The following PLAC8L1 variants were observed in gnomAD, a reference collection of about 807,000 sequenced individuals.
PLAC8L1 encodes PLAC8 like 1, also known as PLAC8-like protein 1.
Under a neutral mutation model 16.3 loss-of-function variants are expected in PLAC8L1, and 13 were observed. The ratio of observed to expected loss-of-function variants is 0.80; its 90% CI spans 0.52 to 1.27. The LOEUF is 1.27. PLAC8L1 is among the 50% of genes most tolerant of loss of function. The pLI, the probability that PLAC8L1 is intolerant of heterozygous loss-of-function variation, is 0.00. For synonymous variants in PLAC8L1, 78 were observed against 79.3 expected (o/e 0.98, Z 0.09); for missense variants, 184 against 220.2 (o/e 0.84, Z 1.04).
intron 2 of PLAC8L1, among the ~76,000 whole-genome samples, chr5:146,094,328 C>G (rs1763676434): frequency 6.6e-6 from 1 of 152,204 alleles, no homozygotes. Flanking sequence ...AATCTGCCCA[C>G]CTCGGCCTCC....
chr5:146,098,386 AC>A, intron 1 of PLAC8L1, 94 bp from the exon 2 acceptor site: 1 of 1,281,990 alleles, frequency 7.8e-7, no homozygotes, highest in Non-Finnish European at 1.1e-6. Flanking sequence ...AGAGATAGGG[AC>A]CCAATGATGC....
In PLAC8L1 at chr5:146,098,212, T is replaced by A. The variant is rs756249094; in HGVS notation, c.200A>T (p.Gln67Leu). 8.1e-6 allele frequency: 13 copies of A among 1,614,058 alleles called. No individual in the cohort carries two copies. The East Asian group carries it at 2.9e-4, about 36-fold the overall frequency. Residue 67 changes from glutamine (Q) to leucine (L), a missense_variant, in exon 2 of 4, where the codon CAG becomes CTG. By Grantham distance (113) the Gln-to-Leu change is moderately radical (BLOSUM62 -2). Coordinates refer to ENST00000311450, the MANE Select transcript of PLAC8L1 (RefSeq NM_001029869.3). The part of the protein sequence containing the change: ...SGRTTITAIV[Q>L]TGGGWSTGLF... ...ACCGGTGCTCCAGCCCCCGCCAGTC[T>A]GGACAATTGCTGTGATTGTCGTCCT...
At chr5:146,092,691 G>A (rs1185886921) in intron 2 of PLAC8L1, among the ~76,000 whole-genome samples, 5 of 151,892 alleles carry the variant, frequency 3.3e-5, no homozygotes, top group Admixed American at 3.3e-4. Flanking sequence ...GCAGGAGCCC[G>A]CCACCACGCC....
At chr5:146,090,196 T>C (rs1048993959) in intron 2 of PLAC8L1, among the ~76,000 whole-genome samples, 1 of 152,104 alleles carries the variant, frequency 6.6e-6, no homozygotes, top group African/African-American at 2.4e-5. Context: ...AGGAAAAAAC[T>C]TTGCAACACA....
At position 146,090,881 on chromosome 5, in the gene PLAC8L1, C is replaced by T. The variant is rs912065586; in HGVS notation, c.257-5284G>A. ...CAGCCTGCCCAACATGGTGAAATCC[C>T]GTCTCTGCTAAAAATACAAAAAATT... On this transcript the variant is annotated intron_variant, in intron 2 of 3. Transcript: ENST00000311450. Among the ~76,000 whole-genome samples, 10 of 152,104 alleles carry T rather than the reference C, an allele frequency of 6.6e-5. No homozygotes were observed. In the East Asian group the frequency reaches 1.7e-3, roughly 27 times the overall value.
intron 2 of PLAC8L1, among the ~76,000 whole-genome samples, chr5:146,095,485 C>T (rs918175384): frequency 6.6e-6 from 1 of 152,130 alleles, no homozygotes; most frequent in African/African-American, 2.4e-5. Flanking sequence ...TTTCTAGGTG[C>T]TCTTAGGATT....
intron 2 of PLAC8L1, 152 bp downstream of exon 2, chr5:146,098,004 G>T: frequency 1.1e-6 from 1 of 892,168 alleles, no homozygotes. Flanking sequence ...GATTTTTCCA[G>T]ACAAGGAGTA....
At chr5:146,098,779 A>G (rs937357722) in intron 1 of PLAC8L1, among the ~76,000 whole-genome samples, 9 of 152,202 alleles carry the variant, frequency 5.9e-5, no homozygotes, top group Non-Finnish European at 1.3e-4. Flanking sequence ...CTGCATCCCA[A>G]GGATTTTGAA....
intron 2 of PLAC8L1, among the ~76,000 whole-genome samples, chr5:146,091,046 C>T (rs1354200730): frequency 6.7e-6 from 1 of 149,490 alleles, no homozygotes; most frequent in Non-Finnish European, 1.5e-5. Flanking sequence ...AAGAGCAAAA[C>T]TCTGTCTCGA....
At position 146,104,562 on chromosome 5, in the gene PLAC8L1, A is replaced by G; in HGVS notation, c.-251T>C. On this transcript the variant is annotated 5_prime_UTR_variant, in exon 1 of 4. Transcript: ENST00000311450. ...ATTGCTGGAGTATAGAGTAAATAGA[A>G]GAAAAAGACTTATCTTTGGTGGAAA... The G allele has an allele frequency of 3.0e-6, 1 of 328,646 alleles. No individual in the cohort carries two copies. The allele number at this position is 328,646 out of a possible 1,614,324, so 20.4% of individuals were successfully genotyped here.
At chr5:146,095,691 C>T (rs1316738318) in intron 2 of PLAC8L1, among the ~76,000 whole-genome samples, 2 of 152,132 alleles carry the variant, frequency 1.3e-5, no homozygotes, top group East Asian at 1.9e-4. Flanking sequence ...ATTATCCCTT[C>T]CTTATTATGC....
chr5:146,093,271 A>C (rs576317547), intron 2 of PLAC8L1, among the ~76,000 whole-genome samples: 1 of 152,184 alleles, frequency 6.6e-6, no homozygotes, highest in South Asian at 2.1e-4. Context: ...GAAGAGAAAA[A>C]CCAGGTGGAT....
Position 146,105,290 on chromosome 5 carries a change from G to C in PLAC8L1, c.-979C>G, listed in dbSNP as rs1317356952. Reference sequence around the variant, plus strand: ...GAACTTCAAAGCATTTATTGAACCAGGTTGTTAGGAAAAGCCTATAATACC... The same window carrying C: ...GAACTTCAAAGCATTTATTGAACCACGTTGTTAGGAAAAGCCTATAATACC... On this transcript the variant is annotated 5_prime_UTR_variant, in exon 1 of 4. Coordinates refer to ENST00000311450, the MANE Select transcript of PLAC8L1 (RefSeq NM_001029869.3). Among the ~76,000 whole-genome samples the C allele has an allele frequency of 6.6e-6, 1 of 152,060 alleles. No individual in the cohort carries two copies. Among genetic ancestry groups the C allele is most frequent in the African/African-American group, 2.4e-5 (1 of 41,392 alleles).
At position 146,104,708 on chromosome 5, in the gene PLAC8L1, C is replaced by T. The variant is rs1453641462; in HGVS notation, c.-397G>A. On this transcript the variant is annotated 5_prime_UTR_variant, in exon 1 of 4. Coordinates refer to ENST00000311450, the MANE Select transcript of PLAC8L1 (RefSeq NM_001029869.3). ...CATGTGACTGAGAAGCAGCAGAGAC[C>T]TCTCTTCATCCCCTGAACTGCTGGT... 5.3e-6 allele frequency: 1 copy of T among 188,474 alleles called. No homozygotes were observed. The highest frequency in any genetic ancestry group is 1.1e-5 in the Non-Finnish European group (1 of 92,560). The allele number at this position is 188,474 out of a possible 1,614,324, so 11.7% of individuals were successfully genotyped here.
At chr5:146,087,910 G>A (rs912366398) in intron 2 of PLAC8L1, among the ~76,000 whole-genome samples, 2 of 152,010 alleles carry the variant, frequency 1.3e-5, no homozygotes, top group Non-Finnish European at 2.9e-5. Flanking sequence ...CAAAGGCGGA[G>A]GTGCTACACA....
intron 2 of PLAC8L1, among the ~76,000 whole-genome samples, chr5:146,092,818 G>A (rs1340277241): frequency 2.6e-5 from 4 of 152,110 alleles, no homozygotes; most frequent in Non-Finnish European, 5.9e-5. Context: ...TTACAGGCGA[G>A]AGCCACCGCA....
chr5:146,086,191 G>C (rs1027144957), intron 2 of PLAC8L1, among the ~76,000 whole-genome samples: 1 of 150,934 alleles, frequency 6.6e-6, no homozygotes, highest in Non-Finnish European at 1.5e-5. Context: ...CACTACGCCC[G>C]GCTAATTTTT....
Position 146,104,362 on chromosome 5 carries a change from T to C in PLAC8L1, c.-51A>G. The C allele has an allele frequency of 1.4e-6, 2 of 1,423,100 alleles. No individual in the cohort carries two copies. The highest frequency in any genetic ancestry group is 2.0e-6 in the Non-Finnish European group (2 of 1,008,526). The allele number at this position is 1,423,100 out of a possible 1,614,324, so 88.2% of individuals were successfully genotyped here. A position where few individuals can be genotyped will look rare whatever the true frequency, so the allele number is the denominator to read the frequency against. Reference sequence around the variant, plus strand: ...GGGCTATCCTTTTTCCCTTTGGCAATAAGCTGGTTTCTAAACTTCGGATTA... The same window carrying C: ...GGGCTATCCTTTTTCCCTTTGGCAACAAGCTGGTTTCTAAACTTCGGATTA... On this transcript the variant is annotated 5_prime_UTR_variant, in exon 1 of 4. Transcript: ENST00000311450.
Position 146,101,845 on chromosome 5 carries a change from A to C in PLAC8L1, c.119+2348T>G, listed in dbSNP as rs1763822585. Among the ~76,000 whole-genome samples, 4 of 152,154 alleles carry C rather than the reference A, an allele frequency of 2.6e-5. No individual in the cohort carries two copies. In the South Asian group the frequency reaches 8.3e-4, roughly 32 times the overall value. On this transcript the variant is annotated intron_variant, in intron 1 of 3. Transcript: ENST00000311450. Reference sequence around the variant, plus strand: ...CTGGGGCTTCCATCATTAGGCTAAGAGCTTCAATCGTCTTTTAGTAGAGGG... The same window carrying C: ...CTGGGGCTTCCATCATTAGGCTAAGCGCTTCAATCGTCTTTTAGTAGAGGG...
Sources: allele counts gnomAD v4.1 joint callset (sites outside exome capture counted in the v4.1 genomes callset), GRCh38; gene constraint gnomAD v4.1.1; transcripts MANE v1.5; gene names NCBI Gene and HGNC (gene_info 2026-07-23, HGNC 2026-07-21).